The following ADGRL3 variants were observed in gnomAD, a reference collection of about 807,000 sequenced individuals.
ADGRL3 encodes calcium-independent alpha-latrotoxin receptor 3.
Under a neutral mutation model 153.5 loss-of-function variants are expected in ADGRL3, and 62 were observed. The ratio of observed to expected loss-of-function variants is 0.40; its 90% CI spans 0.33 to 0.50. ADGRL3 has a LOEUF of 0.50. ADGRL3 is among the 20% of genes least tolerant of loss of function. ADGRL3 has a pLI of 0.47. For missense variants in ADGRL3, 1,641 were observed against 1,859.4 expected (o/e 0.88, Z 2.16); for synonymous variants, 710 against 672.5 (o/e 1.06, Z -0.86).
At chr4:61,533,916 C>G (rs1044184845) in intron 4 of ADGRL3, among the ~76,000 whole-genome samples, 1 of 151,940 alleles carries the variant, frequency 6.6e-6, no homozygotes, top group Non-Finnish European at 1.5e-5. Flanking sequence ...ATTTCAGATT[C>G]AGGGGATACA....
At position 61,867,515 on chromosome 4, in the gene ADGRL3, CATATATAT is replaced by C. The variant is rs3065826; in HGVS notation, c.1481-25123_1481-25116del. ...ACCCTGTCTCAAAAAAATATATATG[CATATATAT>C]ATATATATATATATATAATTGTAGG... On this transcript the variant is annotated intron_variant, in intron 9 of 26. Transcript: ENST00000683033. Among the ~76,000 whole-genome samples the C allele has an allele frequency of 2.0e-3, 159 of 81,148 alleles. 5 individuals carry two copies. Among genetic ancestry groups the C allele is most frequent in the African/African-American group, 5.6e-3 (137 of 24,476 alleles). 53.2% of individuals were successfully genotyped at this position (81,148 alleles called of 152,430 possible).
intron 6 of ADGRL3, among the ~76,000 whole-genome samples, chr4:61,677,984 T>A (rs2095248569): frequency 6.6e-6 from 1 of 152,020 alleles, no homozygotes; most frequent in African/African-American, 2.4e-5. Context: ...ATAGAATGAA[T>A]GATTAGAGAA....
intron 8 of ADGRL3, among the ~76,000 whole-genome samples, chr4:61,813,466 T>C (rs1312210431): frequency 6.8e-6 from 1 of 146,620 alleles, no homozygotes; most frequent in African/African-American, 2.4e-5. Flanking sequence ...TTATTTAATC[T>C]AACAACAAAA....
At chr4:61,914,771 G>A (rs2098737637) in intron 13 of ADGRL3, among the ~76,000 whole-genome samples, 1 of 152,126 alleles carries the variant, frequency 6.6e-6, no homozygotes, top group Admixed American at 6.6e-5. Flanking sequence ...ATCTGATTCA[G>A]GGGAAGGTTA....
At chr4:61,531,202 A>G (rs2098610911) in intron 4 of ADGRL3, among the ~76,000 whole-genome samples, 1 of 152,234 alleles carries the variant, frequency 6.6e-6, no homozygotes, top group Non-Finnish European at 1.5e-5. Flanking sequence ...GTATACGCAT[A>G]CATGTTCTTT....
Position 61,200,686 on chromosome 4 carries a change from G to T in ADGRL3, c.-1319G>T, listed in dbSNP as rs1734378239. 6.6e-6 allele frequency among the ~76,000 whole-genome samples: 1 copy of T among 151,990 alleles called. No individual in the cohort carries two copies. The highest frequency in any genetic ancestry group is 2.4e-5 in the African/African-American group (1 of 41,402). On this transcript the variant is annotated 5_prime_UTR_variant, in exon 1 of 27. Coordinates refer to ENST00000683033, the MANE Select transcript of ADGRL3 (RefSeq NM_001387552.1). ...CGCGCGGGTTGCACGGTTTGCTTTG[G>T]CAGGAGCTCGCTCGTGTGTGCGCGT...
chr4:61,369,272 T>C (rs1282367728), intron 1 of ADGRL3, among the ~76,000 whole-genome samples: 1 of 152,200 alleles, frequency 6.6e-6, no homozygotes, highest in Non-Finnish European at 1.5e-5. Flanking sequence ...CTATGTTGAA[T>C]AGGAGTGGTG....
intron 5 of ADGRL3, among the ~76,000 whole-genome samples, chr4:61,606,036 G>A (rs1300339038): frequency 6.6e-6 from 1 of 152,124 alleles, no homozygotes; most frequent in African/African-American, 2.4e-5. Flanking sequence ...GGTAATTAAA[G>A]TATCCCTGGA....
chr4:61,899,425 C>T (rs377716899), intron 11 of ADGRL3, among the ~76,000 whole-genome samples: 23 of 152,078 alleles, frequency 1.5e-4, no homozygotes, highest in East Asian at 1.2e-3. Flanking sequence ...CCCCTTTACC[C>T]TCCCCCTGCT....
chr4:61,678,018 A>G lies in ADGRL3; in HGVS notation c.583+1083A>G, dbSNP rs551607508. On this transcript the variant is annotated intron_variant, in intron 6 of 26. Coordinates refer to ENST00000683033, the MANE Select transcript of ADGRL3 (RefSeq NM_001387552.1). ...AAAGTTTATCTTGTGAAGTTTTATA[A>G]GCTGATCTTCATTGTTATGAAAAAT... Among the ~76,000 whole-genome samples, 28 of 152,146 alleles carry G rather than the reference A, an allele frequency of 1.8e-4. No individual in the cohort carries two copies. In the South Asian group the frequency reaches 5.8e-3, roughly 32 times the overall value.
intron 8 of ADGRL3, among the ~76,000 whole-genome samples, chr4:61,805,179 T>C (rs1371791251): frequency 6.6e-6 from 1 of 151,974 alleles, no homozygotes; most frequent in Non-Finnish European, 1.5e-5. Context: ...CCTGACCTCG[T>C]GATCCGCCCG....
At chr4:61,596,988 C>A (rs1215071022) in intron 5 of ADGRL3, among the ~76,000 whole-genome samples, 2 of 150,062 alleles carry the variant, frequency 1.3e-5, no homozygotes, top group Non-Finnish European at 3.0e-5. Context: ...TAAATCATAT[C>A]TATTTGTGAT....
chr4:61,351,482 C>T (rs530470106), intron 1 of ADGRL3, among the ~76,000 whole-genome samples: 2 of 152,314 alleles, frequency 1.3e-5, no homozygotes, highest in African/African-American at 4.8e-5. Context: ...AAGATGCCAT[C>T]TAAGACTTTC....
At chr4:61,914,589 G>A (rs898305065) in intron 13 of ADGRL3, among the ~76,000 whole-genome samples, 6 of 152,090 alleles carry the variant, frequency 3.9e-5, no homozygotes, top group African/African-American at 1.4e-4. Context: ...GGGCATCTCT[G>A]TGTCTTGGGA....
intron 11 of ADGRL3, among the ~76,000 whole-genome samples, chr4:61,907,620 A>G (rs2098702318): frequency 6.7e-6 from 1 of 150,120 alleles, no homozygotes; most frequent in African/African-American, 2.5e-5. Context: ...GTATATACAT[A>G]CACATATATA....
chr4:61,845,523 A>G (rs1306436813), intron 9 of ADGRL3, among the ~76,000 whole-genome samples: 1 of 147,470 alleles, frequency 6.8e-6, no homozygotes, highest in East Asian at 2.0e-4. Flanking sequence ...CCTAAGTTTA[A>G]TTTTTTTCTT....
intron 18 of ADGRL3, among the ~76,000 whole-genome samples, chr4:61,979,993 CTT>C (rs1349299756): frequency 1.3e-5 from 2 of 152,258 alleles, no homozygotes; most frequent in Middle Eastern, 3.4e-3. Flanking sequence ...TTTAAATAGA[CTT>C]TTGTTTTTTA....
intron 1 of ADGRL3, among the ~76,000 whole-genome samples, chr4:61,221,568 A>C (rs1225254536): frequency 6.6e-6 from 1 of 152,172 alleles, no homozygotes; most frequent in Non-Finnish European, 1.5e-5. Flanking sequence ...TGGGTAACCA[A>C]GTATCATATT....
At chr4:61,659,072 G>C (rs1047401692) in intron 5 of ADGRL3, among the ~76,000 whole-genome samples, 1 of 152,092 alleles carries the variant, frequency 6.6e-6, no homozygotes, top group African/African-American at 2.4e-5. Context: ...ACTTGCAGCT[G>C]CATCTTTCCA....
Sources: gnomAD v4.1 joint callset for allele counts (sites outside exome capture counted in the v4.1 genomes callset) on GRCh38, gnomAD v4.1.1 for gene constraint, MANE v1.5 for transcripts, NCBI Gene and HGNC (gene_info 2026-07-23, HGNC 2026-07-21) for gene names.